Variants in DCDC1 observed in about 807,000 individuals in gnomAD.
DCDC1 encodes the protein doublecortin domain containing 1.
Under a neutral mutation model 178.3 loss-of-function variants are expected in DCDC1, and 200 were observed. That is an observed-to-expected ratio of 1.12 (90% CI 1.00 to 1.26). The LOEUF is 1.26. Ranked by LOEUF, DCDC1 falls within the 50% of genes most tolerant of loss-of-function variation. DCDC1 has a pLI of 0.00. For missense variants in DCDC1, 1,983 were observed against 1,749.2 expected, an observed-to-expected ratio of 1.13 and a Z score of -2.38; for synonymous variants, 690 against 604.8, an observed-to-expected ratio of 1.14 and a Z score of -2.07.
intron 20 of DCDC1, among the ~76,000 whole-genome samples, chr11:31,062,263 T>G (rs1457136939): frequency 6.6e-6 from 1 of 151,946 alleles, no homozygotes; most frequent in African/African-American, 2.4e-5. Flanking sequence ...AATGGCTGAG[T>G]AGAAATGGCT....
intron 20 of DCDC1, among the ~76,000 whole-genome samples, chr11:31,021,081 T>G (rs1482432867): frequency 6.6e-6 from 1 of 152,242 alleles, no homozygotes; most frequent in Non-Finnish European, 1.5e-5. Context: ...TGGTAATATC[T>G]TGTATTATCA....
chr11:31,089,664 G>C (rs1370554900), intron 17 of DCDC1, among the ~76,000 whole-genome samples: 5 of 147,854 alleles, frequency 3.4e-5, no homozygotes, highest in African/African-American at 1.3e-4. Flanking sequence ...CTTGTGAATA[G>C]TTTTGTTATC....
At chr11:31,005,325 T>G (rs1003229483) in intron 20 of DCDC1, among the ~76,000 whole-genome samples, 1 of 152,146 alleles carries the variant, frequency 6.6e-6, no homozygotes, top group African/African-American at 2.4e-5. Context: ...CACAATCCCA[T>G]TGCAGCCCAG....
chr11:30,972,240 C>T (rs1425411441), intron 20 of DCDC1, among the ~76,000 whole-genome samples: 1 of 152,110 alleles, frequency 6.6e-6, no homozygotes, highest in African/African-American at 2.4e-5. Context: ...AGAAAAGCAT[C>T]TAGTCACTTA....
chr11:31,102,234 T>C lies in DCDC1; in HGVS notation c.1926A>G (p.Gln642=). 2.7e-6 allele frequency: 2 copies of C among 742,226 alleles called. No individual in the cohort carries two copies. Among genetic ancestry groups the C allele is most frequent in the Non-Finnish European group, 2.5e-6 (1 of 403,132 alleles). The allele number at this position is 742,226 out of a possible 1,614,324, so 46.0% of individuals were successfully genotyped here. A position where few individuals can be genotyped will look rare whatever the true frequency, so the allele number is the denominator to read the frequency against. ...CCTTTTCAAACTGGTCAGGTATCTG[T>C]TGACTGGTACAGTTGAAATTAATTG... ...GFPINFNCTS[Q]QIPDQFEKVD... Residue 642 remains glutamine (Q), a synonymous_variant, in exon 15 of 39, where the codon CAA becomes CAG. Coordinates refer to ENST00000684477, the MANE Select transcript of DCDC1 (RefSeq NM_001387274.1).
At chr11:31,286,331 AAAGTATTCTGTT>A (rs1328792511) in intron 7 of DCDC1, among the ~76,000 whole-genome samples, 3 of 152,058 alleles carry the variant, frequency 2.0e-5, no homozygotes, top group Non-Finnish European at 4.4e-5. Flanking sequence ...TAACGGAGGA[AAAGTATTCTGTT>A]CTCTTTGAAG....
chr11:31,215,552 T>C (rs1973434571), intron 9 of DCDC1, among the ~76,000 whole-genome samples: 1 of 150,806 alleles, frequency 6.6e-6, no homozygotes. Context: ...CCTAGCACTT[T>C]GGGAGGCCAA....
At chr11:31,328,945 C>CTTTTTTTTTTTTTTTT (rs1176942329) in intron 2 of DCDC1, among the ~76,000 whole-genome samples, 1 of 47,788 alleles carries the variant, frequency 2.1e-5, no homozygotes, top group Non-Finnish European at 4.2e-5. Context: ...CACCACAAGG[C>CTTTTTTTTTTTTTTTT]TTTTTTTTTT....
rs1448613072 is a variant in DCDC1 at position 31,005,005 on chromosome 11, A to G, written c.2592-52437T>C. On this transcript the variant is annotated intron_variant, in intron 20 of 38. Coordinates refer to ENST00000684477, the MANE Select transcript of DCDC1 (RefSeq NM_001387274.1). ...CTGAACCCACCACGCAGAAATTAAG[A>G]GTATTATAATATATATTGTATTAGT... 2.0e-5 allele frequency among the ~76,000 whole-genome samples: 3 copies of G among 152,214 alleles called. No homozygotes were observed. The South Asian group carries it at 6.2e-4, about 31-fold the overall frequency.
At chr11:31,261,970 T>C (rs890797285) in intron 8 of DCDC1, among the ~76,000 whole-genome samples, 2 of 141,158 alleles carry the variant, frequency 1.4e-5, no homozygotes, top group Middle Eastern at 3.5e-3. Context: ...CTCTCATTAC[T>C]GGAGAAAAAA....
At chr11:31,327,909 TAGTAGA>T (rs1327872362) in intron 3 of DCDC1, among the ~76,000 whole-genome samples, 1 of 151,736 alleles carries the variant, frequency 6.6e-6, no homozygotes, top group Non-Finnish European at 1.5e-5. Flanking sequence ...TTCGTATTTT[TAGTAGA>T]GACAGGGTTT....
At chr11:31,317,082 G>C (rs1389989370) in intron 3 of DCDC1, among the ~76,000 whole-genome samples, 1 of 48,396 alleles carries the variant, frequency 2.1e-5, no homozygotes, top group East Asian at 3.0e-4. Flanking sequence ...TTTGAAGTCA[G>C]GTAGTGTGAT....
At chr11:31,196,840 A>G (rs2136395852) in intron 9 of DCDC1, among the ~76,000 whole-genome samples, 1 of 152,164 alleles carries the variant, frequency 6.6e-6, no homozygotes, top group South Asian at 2.1e-4. Flanking sequence ...GAAAGTTCCA[A>G]TCTTCTAGTA....
At chr11:30,993,081 A>C (rs1951077140) in intron 20 of DCDC1, among the ~76,000 whole-genome samples, 1 of 152,086 alleles carries the variant, frequency 6.6e-6, no homozygotes, top group East Asian at 1.9e-4. Flanking sequence ...TCCACATGAA[A>C]AAAAATTATA....
At chr11:30,996,470 A>G in intron 20 of DCDC1, among the ~76,000 whole-genome samples, 1 of 151,670 alleles carries the variant, frequency 6.6e-6, no homozygotes, top group South Asian at 2.1e-4. Flanking sequence ...CCCCAGTGCA[A>G]GAGTATTGGG....
intron 9 of DCDC1, among the ~76,000 whole-genome samples, chr11:31,180,911 G>A (rs1968709271): frequency 6.6e-6 from 1 of 152,030 alleles, no homozygotes; most frequent in African/African-American, 2.4e-5. Context: ...GAGACAAGTG[G>A]TCTAGCTCAG....
chr11:30,964,210 G>A (rs947491473), intron 20 of DCDC1, among the ~76,000 whole-genome samples: 1 of 152,144 alleles, frequency 6.6e-6, no homozygotes, highest in Non-Finnish European at 1.5e-5. Flanking sequence ...TCTGTGTGAG[G>A]TATAGTGATT....
intron 17 of DCDC1, among the ~76,000 whole-genome samples, chr11:31,086,894 C>T (rs1957513511): frequency 6.6e-6 from 1 of 151,762 alleles, no homozygotes; most frequent in South Asian, 2.1e-4. Flanking sequence ...TAATGCTGAC[C>T]CCCTAGAATC....
At chr11:30,970,657 A>C (rs1490420510) in intron 20 of DCDC1, among the ~76,000 whole-genome samples, 2 of 152,186 alleles carry the variant, frequency 1.3e-5, no homozygotes, top group Non-Finnish European at 2.9e-5. Context: ...TGCAGCCACC[A>C]TCTGGGGCTA....
Sources: gnomAD v4.1 joint callset for allele counts (sites outside exome capture counted in the v4.1 genomes callset) on GRCh38, gnomAD v4.1.1 for gene constraint, MANE v1.5 for transcripts, NCBI Gene and HGNC (gene_info 2026-07-23, HGNC 2026-07-21) for gene names.